ABCB9: variants seen among roughly 807,000 people sequenced by gnomAD.
The protein encoded by ABCB9 is ABC-type oligopeptide transporter ABCB9.
ABCB9 carries 36 observed loss-of-function variants against 62.0 expected under a neutral mutation model. That is an observed-to-expected ratio of 0.58 (90% CI 0.45 to 0.77). The LOEUF (loss-of-function observed/expected upper bound fraction) is 0.77, where lower values mean the gene tolerates loss of function less well. ABCB9 is among the 30% of genes least tolerant of loss of function. The pLI is 0.00. For missense variants in ABCB9, 943 were observed against 1,054.7 expected (o/e 0.89, Z 1.47); for synonymous variants, 435 against 461.4 (o/e 0.94, Z 0.73).
chr12:122,943,284 G>A (rs1388872608), intron 7 of ABCB9, among the ~76,000 whole-genome samples: 6 of 152,062 alleles, frequency 3.9e-5, no homozygotes, highest in African/African-American at 9.7e-5. Flanking sequence ...TTCCTTCCAC[G>A]TCTCACTTTC....
chr12:122,934,824 T>C (rs976911304), intron 10 of ABCB9, among the ~76,000 whole-genome samples: 4 of 151,188 alleles, frequency 2.6e-5, no homozygotes, highest in Admixed American at 6.6e-5. Flanking sequence ...AGTCCTTTAA[T>C]AGGAAAAAAA....
At position 122,940,936 on chromosome 12, in the gene ABCB9, G is replaced by A. The variant is rs140779241; in HGVS notation, c.1440C>T (p.Phe480=). The stretch of plus-strand genomic sequence containing the variant: ...TGGTCGGCTGCCGGTCGATGAACTC[G>A]AACACCTTCTCAGCAGCCCCCACTC... ...MQGVGAAEKV[F]EFIDRQPTMV... is the part of the protein sequence containing the mutation. Residue 480 remains phenylalanine (F), a synonymous_variant, in exon 8 of 12, where the codon TTC becomes TTT. Transcript: ENST00000280560. This position sits in a 1 kb window ranked among gnomAD's most constrained non-coding sequence, Gnocchi z 4.8. The A allele has an allele frequency of 7.4e-6, 12 of 1,612,764 alleles. No individual in the cohort carries two copies. The highest frequency in any genetic ancestry group is 4.0e-5 in the African/African-American group (3 of 74,988).
rs1253755550 is a variant in ABCB9, at chr12:122,929,398, G to A, written c.*513C>T. The A allele has an allele frequency of 8.1e-6, 8 of 986,012 alleles. No individual in the cohort carries two copies. Among genetic ancestry groups the A allele is most frequent in the African/African-American group, 5.2e-5 (3 of 57,206 alleles). The allele number at this position is 986,012 out of a possible 1,614,324, so 61.1% of individuals were successfully genotyped here. On this transcript the variant is annotated 3_prime_UTR_variant, in exon 12 of 12. Coordinates refer to ENST00000280560, the MANE Select transcript of ABCB9 (RefSeq NM_019625.4). The surrounding 1 kb of genome is among the most constrained non-coding windows in gnomAD (Gnocchi z 6.0). ...CACAGAGCTGGCAAGAGGGAGAGACGGAAAATCCCGTTCCCCGTGTCTCCC... is the reference window on the plus strand; with the variant it reads ...CACAGAGCTGGCAAGAGGGAGAGACAGAAAATCCCGTTCCCCGTGTCTCCC...
At chr12:122,956,273 G>T (rs1185083391) in intron 2 of ABCB9, among the ~76,000 whole-genome samples, 1 of 152,186 alleles carries the variant, frequency 6.6e-6, no homozygotes, top group Non-Finnish European at 1.5e-5. Context: ...CCATTGGAGG[G>T]GTACTACTAT....
rs2036197562 is a variant in ABCB9 at position 122,948,848 on chromosome 12, A to C, written c.848-19T>G. 6.7e-7 allele frequency: 1 copy of C among 1,493,846 alleles called. No individual in the cohort carries two copies. The highest frequency in any genetic ancestry group is 8.9e-7 in the Non-Finnish European group (1 of 1,119,848). The allele number at this position is 1,493,846 out of a possible 1,614,324, so 92.5% of individuals were successfully genotyped here. A position where few individuals can be genotyped will look rare whatever the true frequency, so the allele number is the denominator to read the frequency against. ...AGGTCCCCTGGAACACACGCGGCTC[A>C]GCTCTCACCACAGCAACCCGGGCCT... On this transcript the variant is annotated intron_variant, in intron 4 of 11. Transcript: ENST00000280560.
At chr12:122,961,625 C>T (rs527592969) in intron 1 of ABCB9, among the ~76,000 whole-genome samples, 62 of 152,264 alleles carry the variant, frequency 4.1e-4, no homozygotes, top group Middle Eastern at 3.4e-3. Context: ...GAAACAGTGC[C>T]AGAGCCCCAA....
rs1376178935 is a variant in ABCB9, at chr12:122,950,570, G to A, written c.602-5C>T. ...AGTAGGGCAGGAAGGTCTCTCCTGG[G>A]GGAGGCAGGGCAGCCTCAGGGACGT... On this transcript the variant is annotated splice_polypyrimidine_tract_variant and splice_region_variant and intron_variant, in intron 2 of 11. Coordinates refer to ENST00000280560, the MANE Select transcript of ABCB9 (RefSeq NM_019625.4). 1 of 1,609,624 alleles carries A rather than the reference G, an allele frequency of 6.2e-7. No homozygotes were observed. Among genetic ancestry groups the A allele is most frequent in the African/African-American group, 1.3e-5 (1 of 74,924 alleles).
intron 5 of ABCB9, chr12:122,948,357 T>C: frequency 2.8e-6 from 1 of 353,758 alleles, no homozygotes; most frequent in Non-Finnish European, 5.2e-6. Context: ...CTTTATGCTG[T>C]TGGTACCTAG....
At position 122,930,706 on chromosome 12, in the gene ABCB9, GCCTT is replaced by G. The variant is rs1052227702; in HGVS notation, c.2041-539_2041-536del. ...TTACAGGTGTGAGCCACCGCGCCTGGCCTTCCTTGTTTCTTATCTGCCTTCCCCA... is the reference window on the plus strand; with the variant it reads ...TTACAGGTGTGAGCCACCGCGCCTGGCCTTGTTTCTTATCTGCCTTCCCCA... On this transcript the variant is annotated intron_variant, in intron 11 of 11. Coordinates refer to ENST00000280560, the MANE Select transcript of ABCB9 (RefSeq NM_019625.4). The surrounding 1 kb of genome is among the most constrained non-coding windows in gnomAD (Gnocchi z 4.9). 3.5e-4 allele frequency among the ~76,000 whole-genome samples: 54 copies of G among 152,184 alleles called. No homozygotes were observed. Among genetic ancestry groups the G allele is most frequent in the African/African-American group, 1.3e-3 (53 of 41,536 alleles).
intron 10 of ABCB9, among the ~76,000 whole-genome samples, chr12:122,933,130 C>T (rs911846651): frequency 6.6e-6 from 1 of 152,186 alleles, no homozygotes; most frequent in African/African-American, 2.4e-5. Flanking sequence ...TGGCCTCAAG[C>T]GATCCTCTTG....
At chr12:122,925,006 T>G (rs1307441279), downstream of ABCB9, among the ~76,000 whole-genome samples, 1 of 152,142 alleles carries the variant, frequency 6.6e-6, no homozygotes, top group African/African-American at 2.4e-5. Flanking sequence ...AACCTCCACC[T>G]TCCGAGTTCA....
chr12:122,966,742 C>T (rs1385394645), upstream of ABCB9, among the ~76,000 whole-genome samples: 2 of 152,264 alleles, frequency 1.3e-5, no homozygotes, highest in Non-Finnish European at 2.9e-5. Flanking sequence ...GCGTGCTGGC[C>T]TCCACCTGGA....
In ABCB9 at chr12:122,946,978, G is replaced by A. The variant is rs114152623; in HGVS notation, c.1054-756C>T. Among the ~76,000 whole-genome samples, 720 of 152,322 alleles carry A rather than the reference G, an allele frequency of 4.7e-3. 6 individuals carry two copies. The highest frequency in any genetic ancestry group is 0.016 in the African/African-American group (664 of 41,558). On this transcript the variant is annotated intron_variant, in intron 5 of 11. Coordinates refer to ENST00000280560, the MANE Select transcript of ABCB9 (RefSeq NM_019625.4). Reference sequence around the variant, plus strand: ...GGCATGTCCCATGACCATGTGTCACGCCCCAGCCGCAGGAAGCATGCAGGG... The same window carrying A: ...GGCATGTCCCATGACCATGTGTCACACCCCAGCCGCAGGAAGCATGCAGGG...
In ABCB9 at chr12:122,944,221, G is replaced by A. The variant is rs758509859; in HGVS notation, c.1380+170C>T. The stretch of plus-strand genomic sequence containing the variant: ...TGGGATTATAGGCGTGAGCCACCAC[G>A]CCCTGCCTAGTATTATCATTCTTGA... On this transcript the variant is annotated intron_variant, in intron 7 of 11. Coordinates refer to ENST00000280560, the MANE Select transcript of ABCB9 (RefSeq NM_019625.4). This position sits in a 1 kb window ranked among gnomAD's most constrained non-coding sequence, Gnocchi z 4.9. Among the ~76,000 whole-genome samples the A allele has an allele frequency of 6.6e-6, 1 of 152,196 alleles. No homozygotes were observed. Among genetic ancestry groups the A allele is most frequent in the South Asian group, 2.1e-4 (1 of 4,812 alleles).
Position 122,930,078 on chromosome 12 carries a change from C to T in ABCB9, c.2134G>A (p.Val712Met). Residue 712 changes from valine (V) to methionine (M), a missense_variant, in exon 12 of 12, where the codon GTG (valine) becomes ATG (methionine). By Grantham distance (21) the Val-to-Met change is conservative. Transcript: ENST00000280560. The surrounding 1 kb of genome is among the most constrained non-coding windows in gnomAD (Gnocchi z 4.9). ...STVEHAHLIV[V>M]LDKGRVVQQG... ...TGCACTACGCGGCCCTTGTCCAGCACCACAATGAGGTGCGCGTGCTCCACG... is the reference window on the plus strand; with the variant it reads ...TGCACTACGCGGCCCTTGTCCAGCATCACAATGAGGTGCGCGTGCTCCACG... 1 of 1,564,826 alleles carries T rather than the reference C, an allele frequency of 6.4e-7. No individual in the cohort carries two copies. The highest frequency in any genetic ancestry group is 8.7e-7 in the Non-Finnish European group (1 of 1,154,914).
At position 122,941,412 on chromosome 12, in the gene ABCB9, G is replaced by A. The variant is rs190927685; in HGVS notation, c.1381-417C>T. On this transcript the variant is annotated intron_variant, in intron 7 of 11. Transcript: ENST00000280560. ...GCACCCTCCGCCTCCCAAGTCAAGT[G>A]ATTCTCCTGCCTCAGCCTCCAGAGT... Among the ~76,000 whole-genome samples the A allele has an allele frequency of 2.9e-3, 439 of 151,126 alleles. 3 individuals carry two copies. The highest frequency in any genetic ancestry group is 0.01 in the African/African-American group (416 of 41,080).
At position 122,940,266 on chromosome 12, in the gene ABCB9, A is replaced by G; in HGVS notation, c.1588T>C (p.Ser530Pro). ...QVLQNVSFSL[S>P]PGKVTALVGP... ...ACCAGGGCCGTCACCTTGCCGGGGGACAGGCTGAAGGAGACATTCTGCAAA... is the reference window on the plus strand; with the variant it reads ...ACCAGGGCCGTCACCTTGCCGGGGGGCAGGCTGAAGGAGACATTCTGCAAA... The change falls in exon 9 of 12, where the codon TCC becomes CCC. Residue 530 changes from serine (S) to proline (P), a missense_variant. Coordinates refer to ENST00000280560, the MANE Select transcript of ABCB9 (RefSeq NM_019625.4). The surrounding 1 kb of genome is among the most constrained non-coding windows in gnomAD (Gnocchi z 4.8). 1.2e-6 allele frequency: 2 copies of G among 1,603,258 alleles called. No individual in the cohort carries two copies. Among genetic ancestry groups the G allele is most frequent in the East Asian group, 4.5e-5 (2 of 44,718 alleles).
intron 2 of ABCB9, among the ~76,000 whole-genome samples, chr12:122,958,826 A>G (rs1252843429): frequency 1.3e-5 from 2 of 152,052 alleles, no homozygotes; most frequent in Non-Finnish European, 2.9e-5. Flanking sequence ...TGGGCAACAG[A>G]GTGAGACCCT....
chr12:122,961,090 A>G (rs1290362211), intron 1 of ABCB9, among the ~76,000 whole-genome samples: 1 of 152,064 alleles, frequency 6.6e-6, no homozygotes, highest in Non-Finnish European at 1.5e-5. Context: ...TTAATTAAAA[A>G]AAGAGATAAG....
Sources: allele counts gnomAD v4.1 joint callset (sites outside exome capture counted in the v4.1 genomes callset), GRCh38; gene constraint gnomAD v4.1.1; non-coding constraint Gnocchi (gnomAD v3.1); transcripts MANE v1.5; gene names NCBI Gene and HGNC (gene_info 2026-07-23, HGNC 2026-07-21).